The following NKAIN2 variants were observed in gnomAD, a reference collection of about 807,000 sequenced individuals.
The protein encoded by NKAIN2 is sodium/potassium-transporting ATPase subunit beta-1-interacting protein 2.
NKAIN2 carries 14 observed loss-of-function variants against 32.6 expected under a neutral mutation model. The observed-to-expected ratio is 0.43, with a 90% CI of 0.28 to 0.67. The LOEUF is 0.67. Ranked by LOEUF, NKAIN2 falls within the 30% of genes least tolerant of loss-of-function variation. The pLI, the probability that NKAIN2 is intolerant of heterozygous loss-of-function variation, is 0.17. For synonymous variants in NKAIN2, 80 were observed against 87.2 expected (o/e 0.92, Z 0.46); for missense variants, 198 against 258.3 (o/e 0.77, Z 1.60).
At chr6:124,676,802 A>G (rs769661391) in intron 4 of NKAIN2, among the ~76,000 whole-genome samples, 1 of 152,074 alleles carries the variant, frequency 6.6e-6, no homozygotes, top group Non-Finnish European at 1.5e-5. Flanking sequence ...TTTGTATTCT[A>G]TAAGTATGGC....
At chr6:123,866,551 C>G (rs1317984172) in intron 1 of NKAIN2, among the ~76,000 whole-genome samples, 1 of 152,170 alleles carries the variant, frequency 6.6e-6, no homozygotes, top group East Asian at 1.9e-4. Context: ...CTGCCTCAGC[C>G]TCCCGAGTAG....
At chr6:124,454,904 A>G (rs1889979) in intron 3 of NKAIN2, among the ~76,000 whole-genome samples, 63,902 of 151,850 alleles carry the variant, frequency 0.42, 15,266 homozygotes, top group South Asian at 0.59. Flanking sequence ...AAGAATCTCT[A>G]TAAAGATAAG....
intron 3 of NKAIN2, among the ~76,000 whole-genome samples, chr6:124,657,759 A>G (rs1404763418): frequency 1.3e-5 from 2 of 151,868 alleles, no homozygotes; most frequent in Non-Finnish European, 2.9e-5. Context: ...TAGCTTTAAG[A>G]TTTAAAATGT....
rs540702029 is a variant in NKAIN2 at position 124,414,236 on chromosome 6, G to A, written c.273+58889G>A. 4.4e-4 allele frequency among the ~76,000 whole-genome samples: 67 copies of A among 151,910 alleles called. 1 individual carries two copies. The highest frequency in any genetic ancestry group is 4.4e-3 in the South Asian group (21 of 4,814). On this transcript the variant is annotated intron_variant, in intron 3 of 6. Coordinates refer to ENST00000368417, the MANE Select transcript of NKAIN2 (RefSeq NM_001040214.3). ...TTCTTCTTTGTCAACAGTTTTTATC[G>A]GAAATGTGTGAATAGATTTTTATAA...
At chr6:124,236,303 A>G (rs1290155483) in intron 1 of NKAIN2, among the ~76,000 whole-genome samples, 2 of 152,124 alleles carry the variant, frequency 1.3e-5, no homozygotes, top group Non-Finnish European at 2.9e-5. Context: ...GGAGTGTACA[A>G]TGAATGCAAT....
chr6:124,591,762 T>A (rs1781921998), intron 3 of NKAIN2, among the ~76,000 whole-genome samples: 1 of 152,278 alleles, frequency 6.6e-6, no homozygotes, highest in African/African-American at 2.4e-5. Flanking sequence ...ATTCTGTGAA[T>A]AATATACTCT....
chr6:124,804,214 T>A (rs1780409727), intron 5 of NKAIN2, among the ~76,000 whole-genome samples: 1 of 152,200 alleles, frequency 6.6e-6, no homozygotes, highest in Non-Finnish European at 1.5e-5. Flanking sequence ...GACTACCTGA[T>A]AACAAGATCC....
At chr6:124,255,042 T>A (rs753969567) in intron 1 of NKAIN2, among the ~76,000 whole-genome samples, 82 of 152,270 alleles carry the variant, frequency 5.4e-4, no homozygotes, top group Non-Finnish European at 7.6e-4. Context: ...ACTAGTAGAG[T>A]CCGGCTGTCT....
chr6:124,044,518 G>A (rs1490045050), intron 1 of NKAIN2, among the ~76,000 whole-genome samples: 1 of 152,034 alleles, frequency 6.6e-6, no homozygotes, highest in Non-Finnish European at 1.5e-5. Flanking sequence ...GAACTGTGGA[G>A]GGACCAGTCC....
At chr6:124,390,737 C>T (rs1773104876) in intron 3 of NKAIN2, 1 of 152,074 alleles carries the variant, frequency 6.6e-6, no homozygotes. Context: ...CCTCAGCACC[C>T]ATCTGTGAAC....
chr6:124,364,450 C>G (rs940971521), intron 3 of NKAIN2, among the ~76,000 whole-genome samples: 80 of 151,826 alleles, frequency 5.3e-4, no homozygotes, highest in African/African-American at 1.8e-3. Context: ...TCGAGAAAAC[C>G]AGATTTAGGT....
At chr6:124,217,289 T>C (rs961433965) in intron 1 of NKAIN2, among the ~76,000 whole-genome samples, 4 of 152,132 alleles carry the variant, frequency 2.6e-5, no homozygotes, top group African/African-American at 9.7e-5. Flanking sequence ...CATGTGGTTA[T>C]AAATCAGGAT....
chr6:123,830,278 T>C (rs1010460488), intron 1 of NKAIN2, among the ~76,000 whole-genome samples: 9 of 152,198 alleles, frequency 5.9e-5, no homozygotes, highest in Non-Finnish European at 1.2e-4. Context: ...AAAGTGAGCA[T>C]TTAAAATGCA....
At chr6:124,299,668 C>T (rs975220384) in intron 2 of NKAIN2, among the ~76,000 whole-genome samples, 5 of 151,994 alleles carry the variant, frequency 3.3e-5, no homozygotes, top group African/African-American at 1.2e-4. Context: ...CAAATTTTTC[C>T]CCTGAAGTAT....
intron 1 of NKAIN2, among the ~76,000 whole-genome samples, chr6:124,235,169 G>A (rs970275979): frequency 1.3e-5 from 2 of 152,128 alleles, no homozygotes; most frequent in Admixed American, 6.6e-5. Context: ...GATCTTGAAG[G>A]TCAAAACCAT....
At position 124,116,946 on chromosome 6, in the gene NKAIN2, G is replaced by A. The variant is rs138918048; in HGVS notation, c.55-166059G>A. Among the ~76,000 whole-genome samples, 1,214 of 152,068 alleles carry A rather than the reference G, an allele frequency of 8.0e-3. 18 individuals are homozygous for A. Among genetic ancestry groups the A allele is most frequent in the African/African-American group, 0.028 (1,172 of 41,502 alleles). On this transcript the variant is annotated intron_variant, in intron 1 of 6. Coordinates refer to ENST00000368417, the MANE Select transcript of NKAIN2 (RefSeq NM_001040214.3). ...CTTTCACAGATAGCCAAGTAGTGAA[G>A]GCATTAGGTACAGATCATTTTGGAA... is the stretch of plus-strand genomic sequence containing the variant.
intron 3 of NKAIN2, among the ~76,000 whole-genome samples, chr6:124,405,734 G>A (rs114304378): frequency 0.021 from 3,119 of 152,048 alleles, 118 homozygotes; most frequent in African/African-American, 0.071. Flanking sequence ...TATCCCATCA[G>A]TGAAAGAGTG....
chr6:123,997,333 T>C lies in NKAIN2; in HGVS notation c.54+193079T>C, dbSNP rs1306390575. Among the ~76,000 whole-genome samples the C allele has an allele frequency of 5.3e-5, 8 of 152,322 alleles. No homozygotes were observed. In the South Asian group the frequency reaches 1.4e-3, roughly 28 times the overall value. On this transcript the variant is annotated intron_variant, in intron 1 of 6. Transcript: ENST00000368417. ...AAACATGTTTTATTTAATTCATTGC[T>C]ACCCGTTTATGGCTGCACCATGTGG...
chr6:124,078,786 T>TTGTGTGTGTGTGTGTG (rs71021477), intron 1 of NKAIN2, among the ~76,000 whole-genome samples: 6 of 144,644 alleles, frequency 4.1e-5, no homozygotes, highest in African/African-American at 1.0e-4. Flanking sequence ...TATGTCGTTT[T>TTGTGTGTGTGTGTGTG]TGTGTGTGTG....
Sources: allele counts gnomAD v4.1 joint callset (sites outside exome capture counted in the v4.1 genomes callset), GRCh38; gene constraint gnomAD v4.1.1; transcripts MANE v1.5; gene names NCBI Gene and HGNC (gene_info 2026-07-23, HGNC 2026-07-21).